The following TOM1 variants were observed in gnomAD, a reference collection of about 807,000 sequenced individuals.
TOM1 encodes target of myb1 membrane trafficking protein.
TOM1 carries 38 observed loss-of-function variants against 61.3 expected under a neutral mutation model. The observed-to-expected ratio is 0.62, with a 90% confidence interval of 0.48 to 0.81. The LOEUF (loss-of-function observed/expected upper bound fraction) is 0.81, where lower values mean the gene tolerates loss of function less well. Among genes scored for constraint, TOM1 ranks in the 40% least tolerant of loss-of-function variants. TOM1 has a pLI of 0.00. For missense variants in TOM1, 591 were observed against 659.6 expected, an observed-to-expected ratio of 0.90 and a Z score of 1.14; for synonymous variants, 270 against 268.8, an observed-to-expected ratio of 1.00 and a Z score of -0.04.
At chr22:35,328,707 T>G (rs1043787588) in intron 7 of TOM1, among the ~76,000 whole-genome samples, 1 of 152,186 alleles carries the variant, frequency 6.6e-6, no homozygotes, top group African/African-American at 2.4e-5. Flanking sequence ...CCCGGAGGCC[T>G]GACCTTGGAG....
Position 35,323,808 on chromosome 22 carries a change from T to C in TOM1, c.542T>C (p.Val181Ala), listed in dbSNP as rs1325082549. ...GAGACACAATCAGGACAGGATTCTG[T>C]GGGCACTGACTCCAGCCAGCAAGAG... ...NSETQSGQDS[V>A]GTDSSQQEDS... Residue 181 changes from valine (V) to alanine (A), a missense_variant, in exon 6 of 15, where the codon GTG becomes GCG. Physicochemically the swap from Val to Ala is moderately conservative, Grantham distance 64. Transcript: ENST00000449058. This position sits in a 1 kb window ranked among gnomAD's most constrained non-coding sequence, Gnocchi z 4.2. 1 of 1,613,076 alleles carries C rather than the reference T, an allele frequency of 6.2e-7. No homozygotes were observed. Among genetic ancestry groups the C allele is most frequent in the East Asian group, 2.2e-5 (1 of 44,854 alleles).
chr22:35,315,105 A>G (rs138777), intron 1 of TOM1, among the ~76,000 whole-genome samples: 78,579 of 151,892 alleles, frequency 0.52, 23,165 homozygotes, highest in Non-Finnish European at 0.66. Flanking sequence ...TTCCTTCTGG[A>G]CAGTGTGGAG....
Position 35,318,840 on chromosome 22 carries a change from C to T in TOM1, c.137+879C>T, listed in dbSNP as rs574950918. On this transcript the variant is annotated intron_variant, in intron 2 of 14. Transcript: ENST00000449058. ...TCAGTGTGGACCCTCCTTTCCCTCT[C>T]CAGTTCTCACTGGGATCATCCAGCT... Among the ~76,000 whole-genome samples the T allele has an allele frequency of 3.3e-5, 5 of 152,376 alleles. No homozygotes were observed. In the East Asian group the frequency reaches 7.7e-4, roughly 24 times the overall value.
At chr22:35,333,123 C>T (rs1225152408) in intron 9 of TOM1, 109 bp downstream of exon 9, 1 of 1,241,782 alleles carries the variant, frequency 8.1e-7, no homozygotes. Flanking sequence ...CTGTCTTATC[C>T]AGGCCCATAG....
intron 12 of TOM1, among the ~76,000 whole-genome samples, chr22:35,343,646 C>T (rs1435785357): frequency 1.5e-5 from 2 of 134,896 alleles, no homozygotes; most frequent in African/African-American, 5.5e-5. Flanking sequence ...CACACCACAC[C>T]TATACTCATA....
At chr22:35,345,978 T>C (rs148521739) in intron 13 of TOM1, among the ~76,000 whole-genome samples, 194 bp downstream of exon 13, 10 of 152,318 alleles carry the variant, frequency 6.6e-5, no homozygotes, top group African/African-American at 2.4e-4. Context: ...CTGGGCACAG[T>C]AGCCTCTCGG....
intron 12 of TOM1, among the ~76,000 whole-genome samples, chr22:35,340,774 G>T (rs571949969): frequency 6.6e-6 from 1 of 152,150 alleles, no homozygotes; most frequent in African/African-American, 2.4e-5. Context: ...AGGGAGGGAC[G>T]AGTTGTGGAA....
intron 2 of TOM1, among the ~76,000 whole-genome samples, chr22:35,319,426 C>T (rs1473731661): frequency 6.6e-6 from 1 of 152,188 alleles, no homozygotes; most frequent in African/African-American, 2.4e-5. Flanking sequence ...AAAGTGTCTC[C>T]CCCACTGGGT....
chr22:35,299,866 T>G, upstream of TOM1: 1 of 1,538,998 alleles, frequency 6.5e-7, no homozygotes, highest in Non-Finnish European at 8.8e-7. Flanking sequence ...ACGTGACGGG[T>G]CGGTGGCGCT....
chr22:35,327,642 T>C (rs560376730), intron 7 of TOM1, among the ~76,000 whole-genome samples: 30 of 152,350 alleles, frequency 2.0e-4, no homozygotes, highest in Non-Finnish European at 8.8e-5. Flanking sequence ...AACAATAGCC[T>C]TCATGGCACA....
intron 8 of TOM1, among the ~76,000 whole-genome samples, chr22:35,330,969 C>A (rs1340817558): frequency 6.6e-6 from 1 of 152,114 alleles, no homozygotes; most frequent in Admixed American, 6.5e-5. Flanking sequence ...CCCAACAGAA[C>A]AAGAAAGATG....
Position 35,307,236 on chromosome 22 carries a change from C to T in TOM1, c.52+7256C>T, listed in dbSNP as rs554592119. ...CCCATGCCACCTTCATTATTATTTT[C>T]GTAGGGTTTTCTTTTCATTAGCTTA... On this transcript the variant is annotated intron_variant, in intron 1 of 14. Transcript: ENST00000449058. Among the ~76,000 whole-genome samples, 22 of 152,230 alleles carry T rather than the reference C, an allele frequency of 1.4e-4. 1 individual carries two copies. The South Asian group carries it at 4.1e-3, about 29-fold the overall frequency.
chr22:35,299,920 G>A lies in TOM1; in HGVS notation c.-9G>A, dbSNP rs1925563011. 3.2e-6 allele frequency: 5 copies of A among 1,580,242 alleles called. No homozygotes were observed. The South Asian group carries it at 5.7e-5, about 18-fold the overall frequency. On this transcript the variant is annotated 5_prime_UTR_variant, in exon 1 of 15. Transcript: ENST00000449058. ...ATTCCCGGGGTTGGTGGCAGCGGCG[G>A]TAGCAGCAATGGACTTTCTCCTGGG...
At chr22:35,299,812 G>A, upstream of TOM1, 1 of 1,233,292 alleles carries the variant, frequency 8.1e-7, no homozygotes. Context: ...GCTTCGCGGT[G>A]CCACCGCCCC....
At chr22:35,343,016 TACACCCACCACAC>T (rs1930034068) in intron 12 of TOM1, among the ~76,000 whole-genome samples, 4 of 98,844 alleles carry the variant, frequency 4.0e-5, no homozygotes, top group African/African-American at 1.6e-4. Context: ...CACACACATC[TACACCCACCACAC>T]ACACCTCCAC....
At chr22:35,300,727 G>A (rs1318937503) in intron 1 of TOM1, among the ~76,000 whole-genome samples, 2 of 152,204 alleles carry the variant, frequency 1.3e-5, no homozygotes, top group Non-Finnish European at 2.9e-5. Context: ...CTGCACCCTG[G>A]TGACAGGATA....
At chr22:35,321,546 A>G (rs894088627) in intron 2 of TOM1, among the ~76,000 whole-genome samples, 2 of 151,914 alleles carry the variant, frequency 1.3e-5, no homozygotes, top group African/African-American at 4.8e-5. Flanking sequence ...TTACAGGGTC[A>G]TACCACCACG....
At position 35,312,132 on chromosome 22, in the gene TOM1, C is replaced by T. The variant is rs76960113; in HGVS notation, c.53-5745C>T. Among the ~76,000 whole-genome samples, 574 of 151,994 alleles carry T rather than the reference C, an allele frequency of 3.8e-3. 2 individuals carry two copies. The highest frequency in any genetic ancestry group is 0.013 in the African/African-American group (529 of 41,462). ...ATTAGGCGGGCGCCTGTAATCCCAG[C>T]TACTTTGGGGGCTGAGGCAGAGAAT... On this transcript the variant is annotated intron_variant, in intron 1 of 14. Transcript: ENST00000449058.
chr22:35,309,599 G>A (rs1305567096), intron 1 of TOM1, among the ~76,000 whole-genome samples: 1 of 149,070 alleles, frequency 6.7e-6, no homozygotes. Flanking sequence ...AGCCAAGATC[G>A]TGCCACAGCA....
Sources: gnomAD v4.1 joint callset for allele counts (sites outside exome capture counted in the v4.1 genomes callset) on GRCh38, gnomAD v4.1.1 for gene constraint, Gnocchi (gnomAD v3.1) non-coding constraint, MANE v1.5 for transcripts, NCBI Gene and HGNC (gene_info 2026-07-23, HGNC 2026-07-21) for gene names.